TMOD3: variants seen among roughly 807,000 people sequenced by gnomAD.
TMOD3 encodes tropomodulin 3.
TMOD3 carries 20 observed loss-of-function variants against 39.2 expected under a neutral mutation model. The ratio of observed to expected loss-of-function variants is 0.51; its 90% confidence interval spans 0.36 to 0.74. The LOEUF is 0.74. Ranked by LOEUF, TMOD3 falls within the 30% of genes least tolerant of loss-of-function variation. The pLI, the probability that TMOD3 is intolerant of heterozygous loss-of-function variation, is 0.00. For synonymous variants in TMOD3, 143 were observed against 145.8 expected (o/e 0.98, Z 0.14); for missense variants, 381 against 412.8 (o/e 0.92, Z 0.67).
In TMOD3 at chr15:51,913,456, G is replaced by A. The variant is rs2056720878; in HGVS notation, c.*4646G>A. ...AGTATTCCAAAATCCAAAATAATTT[G>A]AAATCTGAAACACTTAATGGTCCCA... On this transcript the variant is annotated 3_prime_UTR_variant, in exon 10 of 10. Coordinates refer to ENST00000308580, the MANE Select transcript of TMOD3 (RefSeq NM_014547.5). 1 of 152,134 alleles carries A rather than the reference G, an allele frequency of 6.6e-6. No individual in the cohort carries two copies. Among genetic ancestry groups the A allele is most frequent in the Non-Finnish European group, 1.5e-5 (1 of 68,030 alleles). The allele number at this position is 152,134 out of a possible 1,614,324, so 9.4% of individuals were successfully genotyped here. A position where few individuals can be genotyped will look rare whatever the true frequency, so the allele number is the denominator to read the frequency against.
chr15:51,868,150 A>G (rs2141688559), intron 2 of TMOD3, among the ~76,000 whole-genome samples: 1 of 152,314 alleles, frequency 6.6e-6, no homozygotes, highest in East Asian at 1.9e-4. Context: ...ATCCTACTGT[A>G]TGGTATATAT....
intron 1 of TMOD3, among the ~76,000 whole-genome samples, chr15:51,853,818 G>C (rs1203283820): frequency 1.3e-5 from 2 of 151,506 alleles, no homozygotes; most frequent in African/African-American, 4.8e-5. Flanking sequence ...AAAGATAATG[G>C]CAACATCATT....
At chr15:51,838,024 G>A (rs1213859067) in intron 1 of TMOD3, among the ~76,000 whole-genome samples, 1 of 152,162 alleles carries the variant, frequency 6.6e-6, no homozygotes, top group African/African-American at 2.4e-5. Context: ...CATTTCCTGT[G>A]TAATGAACCG....
chr15:51,902,485 T>C (rs2141708808), intron 9 of TMOD3, among the ~76,000 whole-genome samples: 1 of 152,290 alleles, frequency 6.6e-6, no homozygotes, highest in Admixed American at 6.5e-5. Context: ...TTGTTGATTT[T>C]TTTTGAGACG....
intron 3 of TMOD3, among the ~76,000 whole-genome samples, chr15:51,870,965 T>C (rs1177789666): frequency 6.6e-6 from 1 of 152,112 alleles, no homozygotes; most frequent in Non-Finnish European, 1.5e-5. Context: ...TTCAACTGAT[T>C]AAATGAGGCC....
intron 3 of TMOD3, among the ~76,000 whole-genome samples, chr15:51,881,635 C>T (rs1167076954): frequency 7.5e-6 from 1 of 133,832 alleles, no homozygotes; most frequent in Non-Finnish European, 1.5e-5. Flanking sequence ...AATCTCGGCT[C>T]ACTGCAACCT....
chr15:51,886,590 G>A (rs369276500), intron 3 of TMOD3, among the ~76,000 whole-genome samples: 2 of 152,330 alleles, frequency 1.3e-5, no homozygotes, highest in East Asian at 3.9e-4. Flanking sequence ...CAGGCAGGGA[G>A]GTTGCAGTGA....
rs1440890510 is a variant in TMOD3 at position 51,915,044 on chromosome 15, C to T, written c.*6234C>T. The T allele has an allele frequency of 1.3e-5, 2 of 152,094 alleles. No homozygotes were observed. Among genetic ancestry groups the T allele is most frequent in the Non-Finnish European group, 2.9e-5 (2 of 68,022 alleles). The allele number at this position is 152,094 out of a possible 1,614,324, so 9.4% of individuals were successfully genotyped here. Reference sequence around the variant, plus strand: ...CGCGCCCAGCCCAAATTATTACATTCGTAAGACAGACACCTCTTAGAATCT... The same window carrying T: ...CGCGCCCAGCCCAAATTATTACATTTGTAAGACAGACACCTCTTAGAATCT... On this transcript the variant is annotated 3_prime_UTR_variant, in exon 10 of 10. Transcript: ENST00000308580.
At chr15:51,860,171 G>T in intron 1 of TMOD3, 1 of 471,172 alleles carries the variant, frequency 2.1e-6, no homozygotes, top group South Asian at 1.6e-5. Context: ...AATCCCAAGT[G>T]AGAAGATCAT....
Position 51,901,971 on chromosome 15 carries a change from A to G in TMOD3, c.959A>G (p.Tyr320Cys). 1 of 1,614,188 alleles carries G rather than the reference A, an allele frequency of 6.2e-7. No homozygotes were observed. Residue 320 changes from tyrosine to cysteine, a missense_variant, in exon 9 of 10, where the codon TAT becomes TGT. Physicochemically the swap from Tyr to Cys is radical, Grantham distance 194. Transcript: ENST00000308580. The part of the protein sequence containing the change: ...EENTNILKFG[Y>C]QFTQQGPRTR... ...AATACAAATATCCTTAAATTTGGAT[A>G]TCAGTTTACACAGCAGGGACCACGA...
intron 9 of TMOD3, among the ~76,000 whole-genome samples, chr15:51,902,887 A>G (rs925897234): frequency 1.3e-5 from 2 of 151,862 alleles, no homozygotes; most frequent in Non-Finnish European, 2.9e-5. Context: ...TCCTGACCTG[A>G]TGATCCACCC....
At chr15:51,898,244 G>A (rs1018121249) in intron 7 of TMOD3, among the ~76,000 whole-genome samples, 1 of 152,176 alleles carries the variant, frequency 6.6e-6, no homozygotes, top group African/African-American at 2.4e-5. Context: ...ATCAGGGCCT[G>A]TACATTTGTT....
At chr15:51,873,151 A>G (rs1323608755) in intron 3 of TMOD3, among the ~76,000 whole-genome samples, 1 of 152,144 alleles carries the variant, frequency 6.6e-6, no homozygotes, top group Non-Finnish European at 1.5e-5. Flanking sequence ...CTCTCTCTTC[A>G]TCTCATCTCC....
chr15:51,836,522 C>T (rs377323518), intron 1 of TMOD3, among the ~76,000 whole-genome samples: 5 of 152,074 alleles, frequency 3.3e-5, no homozygotes, highest in African/African-American at 1.2e-4. Flanking sequence ...GTCAGGAGAT[C>T]GAGACCATCC....
At chr15:51,834,491 C>G (rs1595888087) in intron 1 of TMOD3, among the ~76,000 whole-genome samples, 1 of 152,112 alleles carries the variant, frequency 6.6e-6, no homozygotes, top group East Asian at 1.9e-4. Flanking sequence ...TCATTTTCCA[C>G]CTATATAGAT....
chr15:51,839,948 G>C (rs572289329), intron 1 of TMOD3, among the ~76,000 whole-genome samples: 20 of 152,238 alleles, frequency 1.3e-4, no homozygotes, highest in African/African-American at 4.8e-4. Flanking sequence ...ATAAAACCAA[G>C]TTCTCACATC....
chr15:51,881,760 C>T (rs1446883494), intron 3 of TMOD3, among the ~76,000 whole-genome samples: 2 of 151,398 alleles, frequency 1.3e-5, no homozygotes, highest in African/African-American at 4.9e-5. Flanking sequence ...GACAGGGTTT[C>T]TCCATGTTGG....
chr15:51,891,248 T>C (rs978100894), intron 5 of TMOD3, among the ~76,000 whole-genome samples: 1 of 151,286 alleles, frequency 6.6e-6, no homozygotes, highest in Non-Finnish European at 1.5e-5. Flanking sequence ...TCTTTCCTTT[T>C]TTTTTTTTTT....
At chr15:51,886,749 C>T (rs2141699738) in intron 3 of TMOD3, among the ~76,000 whole-genome samples, 1 of 152,202 alleles carries the variant, frequency 6.6e-6, no homozygotes, top group Non-Finnish European at 1.5e-5. Context: ...GCTAGAGTAA[C>T]TAGTTTCTTA....
Sources: allele counts gnomAD v4.1 joint callset (sites outside exome capture counted in the v4.1 genomes callset), GRCh38; gene constraint gnomAD v4.1.1; transcripts MANE v1.5; gene names NCBI Gene and HGNC (gene_info 2026-07-23, HGNC 2026-07-21).